D2HGDH: variants seen among roughly 807,000 people sequenced by gnomAD.
The protein encoded by D2HGDH is D-2-hydroxyglutarate dehydrogenase, mitochondrial.
Under a neutral mutation model 46.9 loss-of-function variants are expected in D2HGDH, and 31 were observed. The ratio of observed to expected loss-of-function variants is 0.66; its 90% CI spans 0.50 to 0.89. D2HGDH has a LOEUF of 0.89. D2HGDH is among the 40% of genes least tolerant of loss of function. The pLI is 0.00. For missense variants in D2HGDH, 698 were observed against 720.8 expected (o/e 0.97, Z 0.36); for synonymous variants, 364 against 332.6 (o/e 1.09, Z -1.03).
At chr2:241,740,497 G>A (rs112898479) in intron 2 of D2HGDH, among the ~76,000 whole-genome samples, 14 of 152,314 alleles carry the variant, frequency 9.2e-5, no homozygotes, top group South Asian at 4.1e-4. Flanking sequence ...CCCAGTGCCC[G>A]GCCCACCACC....
At chr2:241,765,131 C>T (rs974499453) in intron 9 of D2HGDH, among the ~76,000 whole-genome samples, 1 of 152,192 alleles carries the variant, frequency 6.6e-6, no homozygotes, top group Non-Finnish European at 1.5e-5. Context: ...CTGCCCTGGG[C>T]GCCACTGCGG....
intron 9 of D2HGDH, among the ~76,000 whole-genome samples, chr2:241,759,705 CCT>C (rs1230773688): frequency 6.6e-6 from 1 of 152,104 alleles, no homozygotes; most frequent in East Asian, 1.9e-4. Flanking sequence ...TCTATTTTTT[CCT>C]CTGTTTTTTG....
intron 6 of D2HGDH, among the ~76,000 whole-genome samples, chr2:241,745,698 T>A (rs1044432174): frequency 2.0e-5 from 3 of 152,242 alleles, no homozygotes; most frequent in Admixed American, 1.3e-4. Context: ...ATCTTCTGTC[T>A]GGGATTATGT....
At chr2:241,753,305 G>A (rs142623301) in intron 8 of D2HGDH, among the ~76,000 whole-genome samples, 2,277 of 152,058 alleles carry the variant, frequency 0.015, 48 homozygotes, top group South Asian at 0.029. Context: ...GCTGTTGTCC[G>A]GTGTTGGCGA....
rs969275206 is a variant in D2HGDH, at chr2:241,767,702, C to T, written c.1307-8C>T. On this transcript the variant is annotated splice_region_variant and splice_polypyrimidine_tract_variant and intron_variant, in intron 9 of 9. Coordinates refer to ENST00000321264, the MANE Select transcript of D2HGDH (RefSeq NM_152783.5). ...CCCAGCCTGACCCATGTGCCCTTGT[C>T]CCTCCAGGAGATGGTAACCTGCACC... is the stretch of plus-strand genomic sequence containing the variant. 3 of 1,612,476 alleles carry T rather than the reference C, an allele frequency of 1.9e-6. No individual in the cohort carries two copies. Among genetic ancestry groups the T allele is most frequent in the African/African-American group, 2.7e-5 (2 of 74,790 alleles).
chr2:241,762,291 C>T lies in D2HGDH; in HGVS notation c.1307-5419C>T, dbSNP rs1263177841. Among the ~76,000 whole-genome samples the T allele has an allele frequency of 8.6e-5, 13 of 152,008 alleles. No individual in the cohort carries two copies. The East Asian group carries it at 9.7e-4, about 11-fold the overall frequency. On this transcript the variant is annotated intron_variant, in intron 9 of 9. Transcript: ENST00000321264. ...TTCACCATATTGGCCAGGCTGGTCT[C>T]GAACTCCTGACCTCGTGATCCACCC...
Position 241,768,035 on chromosome 2 carries a change from C to A in D2HGDH, c.*66C>A. The A allele has an allele frequency of 6.6e-7, 1 of 1,513,014 alleles. No homozygotes were observed. The highest frequency in any genetic ancestry group is 8.8e-7 in the Non-Finnish European group (1 of 1,133,510). 93.7% of individuals were successfully genotyped at this position (1,513,014 alleles called of 1,614,324 possible). On this transcript the variant is annotated 3_prime_UTR_variant, in exon 10 of 10. Transcript: ENST00000321264. ...GGGTGGCTCTCGGGCGGGGGTGTTG[C>A]GGTGGCTCTGAGGGATGAGCCGGCA...
intron 6 of D2HGDH, among the ~76,000 whole-genome samples, chr2:241,745,306 A>C (rs922743083): frequency 1.3e-5 from 2 of 152,220 alleles, no homozygotes; most frequent in African/African-American, 4.8e-5. Context: ...TGGGGGTCTC[A>C]GCAGACCTGC....
chr2:241,749,320 G>A (rs370325044), intron 6 of D2HGDH: 28 of 1,288,592 alleles, frequency 2.2e-5, no homozygotes, highest in Non-Finnish European at 2.6e-5. Flanking sequence ...CAGCCTCTGC[G>A]CCTGTGAGAC....
At position 241,742,372 on chromosome 2, in the gene D2HGDH, C is replaced by G; in HGVS notation, c.351-63C>G. The G allele has an allele frequency of 4.5e-6, 7 of 1,542,398 alleles. No homozygotes were observed. In the South Asian group the frequency reaches 8.3e-5, roughly 18 times the overall value. The stretch of plus-strand genomic sequence containing the variant: ...GTCAGGCACTGGTCCTGCGGCGTGT[C>G]CTTGGGGATGGTGGCGTAGGGGTGG... On this transcript the variant is annotated intron_variant, in intron 3 of 9. Transcript: ENST00000321264. The surrounding 1 kb of genome is among the most constrained non-coding windows in gnomAD (Gnocchi z 4.8).
chr2:241,739,894 C>T (rs1693980665), intron 2 of D2HGDH, among the ~76,000 whole-genome samples: 1 of 152,256 alleles, frequency 6.6e-6, no homozygotes, highest in African/African-American at 2.4e-5. Flanking sequence ...CCTGTAACCA[C>T]AGCCCTTAGG....
intron 8 of D2HGDH, among the ~76,000 whole-genome samples, chr2:241,753,977 A>T (rs1259372359): frequency 1.3e-5 from 2 of 152,212 alleles, no homozygotes; most frequent in African/African-American, 4.8e-5. Context: ...GGCCGGAAAG[A>T]TGACCCTGAG....
At position 241,767,798 on chromosome 2, in the gene D2HGDH, G is replaced by C. The variant is rs111670322; in HGVS notation, c.1395G>C (p.Thr465=). 6.2e-6 allele frequency: 10 copies of C among 1,612,206 alleles called. No homozygotes were observed. Among genetic ancestry groups the C allele is most frequent in the Non-Finnish European group, 8.5e-6 (10 of 1,179,446 alleles). Residue 465 remains threonine (T), a synonymous_variant, in exon 10 of 10, where the codon ACG becomes ACC. Transcript: ENST00000321264. ...AALEPHVYEW[T]AGQQGSVSAE... The stretch of plus-strand genomic sequence containing the variant: ...TGGAGCCCCACGTGTACGAGTGGAC[G>C]GCCGGGCAGCAGGGCAGCGTCAGCG...
Position 241,751,283 on chromosome 2 carries a change from C to T in D2HGDH, c.1035C>T (p.Ser345=). ...PFYVLIETSG[S]NAGHDAEKLG... is the part of the protein sequence containing the mutation. ...ACGTCCTCATCGAGACTTCAGGCTC[C>T]AACGCAGGCCATGACGCTGAGAAGC... The change falls in exon 8 of 10, where the codon TCC becomes TCT. Residue 345 remains serine (S), a synonymous_variant. Coordinates refer to ENST00000321264, the MANE Select transcript of D2HGDH (RefSeq NM_152783.5). 6.2e-7 allele frequency: 1 copy of T among 1,614,030 alleles called. No individual in the cohort carries two copies. The highest frequency in any genetic ancestry group is 8.5e-7 in the Non-Finnish European group (1 of 1,180,044).
At chr2:241,753,988 G>T (rs780347883) in intron 8 of D2HGDH, among the ~76,000 whole-genome samples, 2 of 152,216 alleles carry the variant, frequency 1.3e-5, no homozygotes, top group Non-Finnish European at 2.9e-5. Context: ...TGACCCTGAG[G>T]GGTCATTTCA....
In D2HGDH at chr2:241,742,422, G is replaced by A. The variant is rs755456654; in HGVS notation, c.351-13G>A. The A allele has an allele frequency of 1.9e-6, 3 of 1,604,960 alleles. No individual in the cohort carries two copies. Among genetic ancestry groups the A allele is most frequent in the East Asian group, 2.2e-5 (1 of 44,546 alleles). ...GGGACAGAGCCCCAACGTCCCTCCT[G>A]TCCTCATCCCAGGCACTGCCACGAG... On this transcript the variant is annotated splice_polypyrimidine_tract_variant and intron_variant, in intron 3 of 9. Transcript: ENST00000321264. The surrounding 1 kb of genome is among the most constrained non-coding windows in gnomAD (Gnocchi z 4.8).
chr2:241,748,100 G>A (rs1326399904), intron 6 of D2HGDH, among the ~76,000 whole-genome samples: 3 of 148,668 alleles, frequency 2.0e-5, no homozygotes, highest in East Asian at 2.0e-4. Context: ...CTCTTCCCTC[G>A]CTCTTGATGC....
At position 241,739,375 on chromosome 2, in the gene D2HGDH, A is replaced by AGTG. The variant is rs556132753; in HGVS notation, c.293-1657_293-1655dup. ...CTGAGCCCACTCGGGACAGGGACGC[A>AGTG]GTGAGCGCAGGTGCCAGGGTTCCCT... is the stretch of plus-strand genomic sequence containing the variant. On this transcript the variant is annotated intron_variant, in intron 2 of 9. Coordinates refer to ENST00000321264, the MANE Select transcript of D2HGDH (RefSeq NM_152783.5). Among the ~76,000 whole-genome samples the AGTG allele has an allele frequency of 4.3e-3, 660 of 152,384 alleles. 7 individuals carry two copies. Among genetic ancestry groups the AGTG allele is most frequent in the African/African-American group, 0.015 (609 of 41,594 alleles).
intron 3 of D2HGDH, among the ~76,000 whole-genome samples, chr2:241,741,420 C>T (rs1428327808): frequency 3.9e-5 from 6 of 152,224 alleles, no homozygotes; most frequent in Non-Finnish European, 8.8e-5. Flanking sequence ...TCAGCAGGTG[C>T]TTTGGGGCAA....
Sources: allele counts gnomAD v4.1 joint callset (sites outside exome capture counted in the v4.1 genomes callset), GRCh38; gene constraint gnomAD v4.1.1; non-coding constraint Gnocchi (gnomAD v3.1); transcripts MANE v1.5; gene names NCBI Gene and HGNC (gene_info 2026-07-23, HGNC 2026-07-21).